The following DRD2 variants were observed in gnomAD, a reference collection of about 807,000 sequenced individuals.
DRD2 encodes dopamine receptor D2.
Under a neutral mutation model 38.0 loss-of-function variants are expected in DRD2, and 8 were observed. That is an observed-to-expected ratio of 0.21 (90% CI 0.12 to 0.38). The LOEUF is 0.38. Ranked by LOEUF, DRD2 falls within the 10% of genes least tolerant of loss-of-function variation. DRD2 has a pLI of 1.00. For synonymous variants in DRD2, 230 were observed against 238.6 expected (o/e 0.96, Z 0.33); for missense variants, 403 against 607.7 (o/e 0.66, Z 3.54).
chr11:113,473,321 A>G (rs1175612810), intron 1 of DRD2, among the ~76,000 whole-genome samples: 1 of 152,226 alleles, frequency 6.6e-6, no homozygotes, highest in Admixed American at 6.5e-5. Flanking sequence ...AATCACTCAG[A>G]AACATTGTTA....
intron 4 of DRD2, among the ~76,000 whole-genome samples, chr11:113,416,443 G>T (rs753300176): frequency 6.6e-6 from 1 of 152,236 alleles, no homozygotes; most frequent in Non-Finnish European, 1.5e-5. Context: ...GGTTTAGCAG[G>T]CCCTGAGGGC....
intron 1 of DRD2, among the ~76,000 whole-genome samples, chr11:113,464,776 G>A (rs569793659): frequency 1.2e-4 from 18 of 152,300 alleles, no homozygotes; most frequent in African/African-American, 4.1e-4. Context: ...TCAGTCCACC[G>A]ATTCTATCAG....
At chr11:113,442,917 G>A (rs1951107651) in intron 1 of DRD2, among the ~76,000 whole-genome samples, 1 of 152,144 alleles carries the variant, frequency 6.6e-6, no homozygotes, top group Admixed American at 6.6e-5. Context: ...TCCATGCAGT[G>A]CTGGGCTCCC....
intron 1 of DRD2, among the ~76,000 whole-genome samples, chr11:113,439,332 C>T (rs1207029206): frequency 6.6e-6 from 1 of 152,106 alleles, no homozygotes; most frequent in South Asian, 2.1e-4. Context: ...CTTTGAACAG[C>T]CTAAAACAGG....
intron 1 of DRD2, among the ~76,000 whole-genome samples, chr11:113,460,764 G>T (rs145661932): frequency 5.3e-5 from 8 of 152,352 alleles, no homozygotes; most frequent in African/African-American, 1.9e-4. Context: ...GCAGAGGGCA[G>T]GGAGCTGCCC....
Position 113,415,985 on chromosome 11 carries a change from G to A in DRD2, c.533-374C>T, listed in dbSNP as rs183292729. The stretch of plus-strand genomic sequence containing the variant: ...GTAAACCATCTTTTTAGTCTGACCT[G>A]TGTATTGGGAGAGGTTGGCCACCTT... On this transcript the variant is annotated intron_variant, in intron 4 of 7. Transcript: ENST00000362072. 2.1e-3 allele frequency among the ~76,000 whole-genome samples: 320 copies of A among 152,334 alleles called. 4 individuals carry two copies. The highest frequency in any genetic ancestry group is 0.02 in the Admixed American group (307 of 15,306).
At chr11:113,436,012 C>A (rs76026261) in intron 1 of DRD2, among the ~76,000 whole-genome samples, 2,304 of 152,292 alleles carry the variant, frequency 0.015, 65 homozygotes, top group African/African-American at 0.052. Context: ...ATAGCACAAC[C>A]CACGATCACA....
chr11:113,434,062 G>A (rs1415561776), intron 1 of DRD2, among the ~76,000 whole-genome samples: 1 of 152,066 alleles, frequency 6.6e-6, no homozygotes, highest in East Asian at 1.9e-4. Context: ...CACCCTTCAG[G>A]ACTATCTTTC....
intron 7 of DRD2, chr11:113,411,738 G>A (rs1298626155): frequency 1.3e-5 from 2 of 152,314 alleles, no homozygotes; most frequent in Admixed American, 1.3e-4. Context: ...ATGATCGTGA[G>A]TAGTCCCATG....
chr11:113,434,783 C>T (rs74588544), intron 1 of DRD2, among the ~76,000 whole-genome samples: 3,583 of 152,254 alleles, frequency 0.024, 66 homozygotes, highest in South Asian at 0.036. Context: ...GCCATCCCCC[C>T]CCATCAGCAC....
At chr11:113,446,399 G>A (rs991394500) in intron 1 of DRD2, among the ~76,000 whole-genome samples, 6 of 152,164 alleles carry the variant, frequency 3.9e-5, no homozygotes, top group Non-Finnish European at 5.9e-5. Flanking sequence ...ACTGTTCACC[G>A]TATACTGGAC....
intron 1 of DRD2, among the ~76,000 whole-genome samples, chr11:113,457,276 G>T (rs2119941091): frequency 6.6e-6 from 1 of 152,256 alleles, no homozygotes; most frequent in African/African-American, 2.4e-5. Flanking sequence ...CATATGCCTA[G>T]TACAGATGTC....
chr11:113,426,862 G>T (rs1375402330), intron 1 of DRD2, among the ~76,000 whole-genome samples: 1 of 152,236 alleles, frequency 6.6e-6, no homozygotes, highest in Non-Finnish European at 1.5e-5. Flanking sequence ...CCCATTTGGA[G>T]CCCACAGCGG....
chr11:113,412,513 C>A, intron 7 of DRD2, 43 bp downstream of exon 7: 1 of 1,604,884 alleles, frequency 6.2e-7, no homozygotes, highest in Non-Finnish European at 8.5e-7. Flanking sequence ...GGAATGGGAC[C>A]TTTCACAGAC....
chr11:113,452,486 G>GCGCGCGCGCA (rs1555167797), intron 1 of DRD2, among the ~76,000 whole-genome samples: 1 of 144,198 alleles, frequency 6.9e-6, no homozygotes, highest in African/African-American at 2.5e-5. Context: ...GCGCGCGCGC[G>GCGCGCGCGCA]CACATTGGGG....
At chr11:113,425,221 G>T (rs931608807) in intron 1 of DRD2, among the ~76,000 whole-genome samples, 1 of 152,216 alleles carries the variant, frequency 6.6e-6, no homozygotes, top group African/African-American at 2.4e-5. Flanking sequence ...AACAGGGAGA[G>T]AGATACATAA....
chr11:113,447,185 G>A (rs1045772255), intron 1 of DRD2, among the ~76,000 whole-genome samples: 5 of 152,292 alleles, frequency 3.3e-5, no homozygotes, highest in Admixed American at 6.5e-5. Context: ...GGGTAAAGTC[G>A]GGAGGCCCGC....
At chr11:113,450,283 C>A (rs189601997) in intron 1 of DRD2, among the ~76,000 whole-genome samples, 1 of 152,198 alleles carries the variant, frequency 6.6e-6, no homozygotes, top group Admixed American at 6.5e-5. Flanking sequence ...AACACCAATG[C>A]CAAACAAGCA....
chr11:113,459,559 G>T (rs1203267995), intron 1 of DRD2, among the ~76,000 whole-genome samples: 1 of 152,148 alleles, frequency 6.6e-6, no homozygotes, highest in African/African-American at 2.4e-5. Context: ...ATTTTCCTTA[G>T]AAAGAAAGCC....
Sources: gnomAD v4.1 joint callset for allele counts (sites outside exome capture counted in the v4.1 genomes callset) on GRCh38, gnomAD v4.1.1 for gene constraint, MANE v1.5 for transcripts, NCBI Gene and HGNC (gene_info 2026-07-23, HGNC 2026-07-21) for gene names.